Variants in DGKB observed in about 807,000 individuals in gnomAD.
The protein encoded by DGKB is diacylglycerol kinase beta.
A neutral mutation model predicts 114.3 loss-of-function variants in DGKB; 67 were observed. That is an observed-to-expected ratio of 0.59 (90% CI 0.48 to 0.72). The LOEUF (loss-of-function observed/expected upper bound fraction) is 0.72, where lower values mean the gene tolerates loss of function less well. DGKB is among the 30% of genes least tolerant of loss of function. The pLI is 0.00. For synonymous variants in DGKB, 398 were observed against 323.1 expected, an observed-to-expected ratio of 1.23 and a Z score of -2.49; for missense variants, 907 against 975.2, an observed-to-expected ratio of 0.93 and a Z score of 0.93.
At chr7:14,564,024 T>C (rs534674443) in intron 20 of DGKB, among the ~76,000 whole-genome samples, 9 of 152,310 alleles carry the variant, frequency 5.9e-5, no homozygotes, top group Admixed American at 2.0e-4. Context: ...GTAAGACAAA[T>C]GCTAGCTCTT....
At chr7:14,925,706 T>G (rs139865921) in intron 1 of DGKB, among the ~76,000 whole-genome samples, 2 of 152,296 alleles carry the variant, frequency 1.3e-5, no homozygotes, top group East Asian at 3.9e-4. Flanking sequence ...TGTTCATAAT[T>G]AGTATATACA....
intron 21 of DGKB, among the ~76,000 whole-genome samples, chr7:14,370,934 C>T (rs899383807): frequency 1.4e-4 from 21 of 152,074 alleles, no homozygotes; most frequent in African/African-American, 5.1e-4. Flanking sequence ...TTCTGTTCCT[C>T]AGTTAATTTA....
intron 22 of DGKB, among the ~76,000 whole-genome samples, chr7:14,339,265 A>T (rs1234305089): frequency 6.6e-6 from 1 of 151,942 alleles, no homozygotes; most frequent in Non-Finnish European, 1.5e-5. Context: ...AATCACACTG[A>T]ATTTACCAAG....
At chr7:14,679,404 A>G (rs1363514036) in intron 12 of DGKB, among the ~76,000 whole-genome samples, 1 of 152,002 alleles carries the variant, frequency 6.6e-6, no homozygotes, top group Admixed American at 6.6e-5. Context: ...AACTGGTTAC[A>G]TAAATGGCCC....
At chr7:14,922,382 G>GTGTGTA (rs1554345686) in intron 1 of DGKB, among the ~76,000 whole-genome samples, 1 of 130,100 alleles carries the variant, frequency 7.7e-6, no homozygotes, top group Non-Finnish European at 1.6e-5. Flanking sequence ...CATCGTGTGT[G>GTGTGTA]TGTGTGTGTG....
intron 21 of DGKB, among the ~76,000 whole-genome samples, chr7:14,468,112 T>C (rs1390850135): frequency 1.3e-5 from 2 of 152,170 alleles, no homozygotes; most frequent in African/African-American, 2.4e-5. Flanking sequence ...AAATTTCATA[T>C]CAAATTAACT....
intron 21 of DGKB, among the ~76,000 whole-genome samples, chr7:14,468,312 T>C (rs909217919): frequency 6.6e-6 from 1 of 152,052 alleles, no homozygotes; most frequent in Non-Finnish European, 1.5e-5. Context: ...AGAGGGTCTC[T>C]TCTGTCTCCA....
intron 2 of DGKB, among the ~76,000 whole-genome samples, chr7:14,840,586 C>T (rs1847787780): frequency 6.6e-6 from 1 of 152,064 alleles, no homozygotes; most frequent in Admixed American, 6.5e-5. Context: ...TATCAATGCA[C>T]ACACTAAAAG....
intron 2 of DGKB, among the ~76,000 whole-genome samples, chr7:14,809,866 G>A (rs1843206967): frequency 6.6e-6 from 1 of 152,122 alleles, no homozygotes; most frequent in South Asian, 2.1e-4. Context: ...CCTTTATTCA[G>A]CATCCCCTAG....
chr7:14,818,963 T>G (rs540297800), intron 2 of DGKB, among the ~76,000 whole-genome samples: 40 of 152,174 alleles, frequency 2.6e-4, no homozygotes, highest in Non-Finnish European at 5.4e-4. Flanking sequence ...ATGAATATGA[T>G]AGCAAATATT....
At chr7:14,579,597 T>C (rs190978572) in intron 19 of DGKB, among the ~76,000 whole-genome samples, 85 of 152,312 alleles carry the variant, frequency 5.6e-4, no homozygotes, top group African/African-American at 1.9e-3. Context: ...TTCATTTCTT[T>C]AGATTGCATG....
intron 1 of DGKB, among the ~76,000 whole-genome samples, chr7:14,925,445 C>A (rs2128248704): frequency 6.6e-6 from 1 of 152,124 alleles, no homozygotes; most frequent in Non-Finnish European, 1.5e-5. Context: ...CAAGGCTTTG[C>A]TTGAATTTTT....
At chr7:14,399,493 T>C (rs1233812992) in intron 21 of DGKB, among the ~76,000 whole-genome samples, 3 of 151,716 alleles carry the variant, frequency 2.0e-5, no homozygotes, top group Admixed American at 6.6e-5. Context: ...TACAAAGCCA[T>C]TCATCCTGAA....
chr7:14,894,944 A>G (rs1247194860), intron 1 of DGKB, among the ~76,000 whole-genome samples: 1 of 151,598 alleles, frequency 6.6e-6, no homozygotes, highest in Non-Finnish European at 1.5e-5. Flanking sequence ...ATCATGACAA[A>G]CAACATTATA....
intron 1 of DGKB, among the ~76,000 whole-genome samples, chr7:14,854,050 T>C (rs1849772064): frequency 6.6e-6 from 1 of 152,170 alleles, no homozygotes; most frequent in African/African-American, 2.4e-5. Flanking sequence ...TTATCTGCGG[T>C]AAGATCAACA....
At chr7:14,949,403 C>G (rs1294561316) in intron 1 of DGKB, among the ~76,000 whole-genome samples, 1 of 151,726 alleles carries the variant, frequency 6.6e-6, no homozygotes, top group South Asian at 2.1e-4. Flanking sequence ...GATGCTTTAA[C>G]AGAAAAATTA....
intron 23 of DGKB, among the ~76,000 whole-genome samples, chr7:14,290,212 C>G (rs192640633): frequency 4.4e-4 from 67 of 152,198 alleles, no homozygotes; most frequent in African/African-American, 1.4e-3. Context: ...GGATTTAAGA[C>G]CTAGAAAGAG....
intron 1 of DGKB, among the ~76,000 whole-genome samples, chr7:14,879,925 C>G (rs557645316): frequency 1.8e-4 from 27 of 152,064 alleles, no homozygotes; most frequent in African/African-American, 6.5e-4. Context: ...TTCATCATGC[C>G]CAGCATACTC....
At chr7:14,971,883 A>G (rs10268757) in intron 1 of DGKB, among the ~76,000 whole-genome samples, 89,058 of 151,240 alleles carry the variant, frequency 0.59, 28,477 homozygotes, top group African/African-American at 0.84. Flanking sequence ...CTGACTCAGC[A>G]TCCTGTGTAG....
Sources: gnomAD v4.1 joint callset for allele counts (sites outside exome capture counted in the v4.1 genomes callset) on GRCh38, gnomAD v4.1.1 for gene constraint, MANE v1.5 for transcripts, NCBI Gene and HGNC (gene_info 2026-07-23, HGNC 2026-07-21) for gene names.